ABCA13: variants seen among roughly 807,000 people sequenced by gnomAD.
The protein encoded by ABCA13 is ATP-binding cassette sub-family A member 13.
In ABCA13, 476 loss-of-function variants were observed where a neutral mutation model predicts 478.7. The ratio of observed to expected loss-of-function variants is 0.99; its 90% CI spans 0.92 to 1.07. ABCA13 has a LOEUF of 1.07. ABCA13 is among the 50% of genes least tolerant of loss of function. The probability of loss-of-function intolerance (pLI) is 0.00; values close to 1 mark genes in which losing one functional copy is unlikely to be tolerated. For missense variants in ABCA13, 6,060 were observed against 5,910.6 expected (o/e 1.03, Z -0.83); for synonymous variants, 2,252 against 2,158.9 (o/e 1.04, Z -1.20).
At chr7:48,259,914 T>C (rs1012185525) in intron 15 of ABCA13, among the ~76,000 whole-genome samples, 1 of 152,058 alleles carries the variant, frequency 6.6e-6, no homozygotes, top group Non-Finnish European at 1.5e-5. Flanking sequence ...TGTGAATACT[T>C]GCAATTGTAT....
In ABCA13 at chr7:48,352,628, G is replaced by C. The variant is rs1326092853; in HGVS notation, c.10688+141G>C. 5.1e-6 allele frequency: 5 copies of C among 976,382 alleles called. No individual in the cohort carries two copies. The East Asian group carries it at 1.3e-4, about 26-fold the overall frequency. 60.5% of individuals were successfully genotyped at this position (976,382 alleles called of 1,614,324 possible). ...CACCCCCCACTTTTTAATTTCGTAA[G>C]GTTCATTTTTTTTATATGCTTGTAC... is the stretch of plus-strand genomic sequence containing the variant. On this transcript the variant is annotated intron_variant, in intron 31 of 61. Coordinates refer to ENST00000435803, the MANE Select transcript of ABCA13 (RefSeq NM_152701.5).
intron 7 of ABCA13, among the ~76,000 whole-genome samples, chr7:48,231,605 G>A (rs1224347394): frequency 6.6e-6 from 1 of 152,118 alleles, no homozygotes; most frequent in African/African-American, 2.4e-5. Flanking sequence ...TCAGGATCCT[G>A]GGAGCAAGTC....
chr7:48,541,679 A>G (rs1833948187), intron 55 of ABCA13, among the ~76,000 whole-genome samples: 1 of 150,720 alleles, frequency 6.6e-6, no homozygotes, highest in African/African-American at 2.5e-5. Flanking sequence ...AATCAATGAG[A>G]CAGAACATAA....
chr7:48,575,288 T>C (rs1387139954), intron 55 of ABCA13, among the ~76,000 whole-genome samples: 4 of 152,170 alleles, frequency 2.6e-5, no homozygotes, highest in Non-Finnish European at 5.9e-5. Flanking sequence ...CATGGATATT[T>C]TTATTATTTA....
chr7:48,609,765 G>A (rs570089688), intron 58 of ABCA13, among the ~76,000 whole-genome samples: 54 of 152,180 alleles, frequency 3.5e-4, no homozygotes, highest in African/African-American at 1.1e-3. Flanking sequence ...CATCTTACGT[G>A]GCCAGAGAAG....
intron 8 of ABCA13, among the ~76,000 whole-genome samples, chr7:48,236,457 T>C (rs993139819): frequency 6.6e-6 from 1 of 152,206 alleles, no homozygotes; most frequent in African/African-American, 2.4e-5. Flanking sequence ...TGTCTTTAGC[T>C]CAAAATAATC....
intron 3 of ABCA13, among the ~76,000 whole-genome samples, chr7:48,210,228 A>G (rs1449164845): frequency 6.6e-6 from 1 of 152,142 alleles, no homozygotes; most frequent in East Asian, 1.9e-4. Context: ...AGCATAGAGC[A>G]AAGGGGGAAA....
At chr7:48,465,074 C>T (rs770632059) in intron 43 of ABCA13, among the ~76,000 whole-genome samples, 4 of 152,268 alleles carry the variant, frequency 2.6e-5, no homozygotes, top group South Asian at 2.1e-4. Context: ...GTCTGGGCTG[C>T]GCTGGCTAGG....
chr7:48,351,285 T>C (rs964906440), intron 30 of ABCA13, among the ~76,000 whole-genome samples: 2 of 152,236 alleles, frequency 1.3e-5, no homozygotes, highest in Non-Finnish European at 2.9e-5. Flanking sequence ...TCAAGATAAA[T>C]ATGGTGGTGC....
rs375511938 is a variant in ABCA13 at position 48,392,019 on chromosome 7, G to T, written c.11753G>T (p.Gly3918Val). 16 of 1,613,874 alleles carry T rather than the reference G, an allele frequency of 9.9e-6. No individual in the cohort carries two copies. The African/African-American group carries it at 2.0e-4, about 20-fold the overall frequency. The change falls in exon 38 of 62, where the codon GGT (glycine) becomes GTT (valine). Residue 3918 changes from glycine to valine, a missense_variant. Transcript: ENST00000435803. ...TDLSRVRMEL[G>V]VCPQQDILLD... is the part of the protein sequence containing the mutation. Reference sequence around the variant, plus strand: ...CTGTCGAGGGTCAGAATGGAGCTTGGTGTGTGTCCGCAGCAGGACATCCTG... The same window carrying T: ...CTGTCGAGGGTCAGAATGGAGCTTGTTGTGTGTCCGCAGCAGGACATCCTG...
At chr7:48,478,803 TG>T (rs921673816) in intron 45 of ABCA13, among the ~76,000 whole-genome samples, 5 of 152,062 alleles carry the variant, frequency 3.3e-5, no homozygotes, top group Admixed American at 2.6e-4. Flanking sequence ...GGAGAGATGG[TG>T]GGTAGGAGGG....
In ABCA13 at chr7:48,350,695, C is replaced by T; in HGVS notation, c.10257C>T (p.Phe3419=). The part of the protein sequence containing the change: ...FNHAGAGRFR[F]LGSILVNLSS... ...ATGCAGGCGCTGGACGCTTCCGTTTCTTGGGCAGCATCTTGGTCAATCTCT... is the reference window on the plus strand; with the variant it reads ...ATGCAGGCGCTGGACGCTTCCGTTTTTTGGGCAGCATCTTGGTCAATCTCT... The change falls in exon 30 of 62, where the codon TTC becomes TTT. Residue 3419 remains phenylalanine (F), a synonymous_variant. Coordinates refer to ENST00000435803, the MANE Select transcript of ABCA13 (RefSeq NM_152701.5). The T allele has an allele frequency of 6.2e-7, 1 of 1,613,928 alleles. No homozygotes were observed. The highest frequency in any genetic ancestry group is 8.5e-7 in the Non-Finnish European group (1 of 1,179,850).
intron 39 of ABCA13, among the ~76,000 whole-genome samples, chr7:48,405,845 T>C (rs908728189): frequency 7.2e-6 from 1 of 139,554 alleles, no homozygotes; most frequent in South Asian, 2.1e-4. Context: ...CTTCGTTGTT[T>C]AGCAATTTTT....
In ABCA13 at chr7:48,278,294, A is replaced by G. The variant is rs1796570824; in HGVS notation, c.7100A>G (p.Asn2367Ser). The G allele has an allele frequency of 1.2e-6, 2 of 1,612,550 alleles. No homozygotes were observed. Among genetic ancestry groups the G allele is most frequent in the South Asian group, 1.1e-5 (1 of 90,940 alleles). Residue 2367 changes from asparagine to serine, a missense_variant, in exon 18 of 62, where the codon AAT (asparagine) becomes AGT (serine). Asn to Ser is a conservative substitution (Grantham distance 46). Transcript: ENST00000435803. ...CTGAAGTTCATGCAAGATTTATTTA[A>G]TGCCCTTCTCAGGGAAACTTCAATG... Reference protein sequence around the residue: ...QGLKFMQDLFNALLRETSMKN... With the variant: ...QGLKFMQDLFSALLRETSMKN...
chr7:48,219,249 G>T, intron 3 of ABCA13, 105 bp from the exon 4 acceptor site: 1 of 1,236,626 alleles, frequency 8.1e-7, no homozygotes, highest in Non-Finnish European at 1.1e-6. Context: ...GTGTAAGTTG[G>T]TACAAGTTTA....
chr7:48,356,297 A>T (rs2128993945), intron 31 of ABCA13, among the ~76,000 whole-genome samples: 1 of 151,998 alleles, frequency 6.6e-6, no homozygotes, highest in South Asian at 2.1e-4. Flanking sequence ...CAGAATGGAG[A>T]CTTGGAGGGG....
intron 48 of ABCA13, 147 bp downstream of exon 48, chr7:48,489,491 A>G (rs1829653357): frequency 6.3e-6 from 4 of 637,088 alleles, no homozygotes; most frequent in Admixed American, 3.1e-5. Flanking sequence ...TAAACACAAT[A>G]CCAAGTTGTA....
chr7:48,261,067 G>C (rs1253725594), intron 15 of ABCA13, among the ~76,000 whole-genome samples: 1 of 151,620 alleles, frequency 6.6e-6, no homozygotes, highest in African/African-American at 2.4e-5. Flanking sequence ...AAATTAGTTT[G>C]CCTCATGTAC....
chr7:48,249,007 G>C (rs977198224), intron 14 of ABCA13, among the ~76,000 whole-genome samples: 1 of 151,382 alleles, frequency 6.6e-6, no homozygotes, highest in Non-Finnish European at 1.5e-5. Context: ...CTCATAAATT[G>C]CTTTTCCTTA....
Sources: allele counts gnomAD v4.1 joint callset (sites outside exome capture counted in the v4.1 genomes callset), GRCh38; gene constraint gnomAD v4.1.1; transcripts MANE v1.5; gene names NCBI Gene and HGNC (gene_info 2026-07-23, HGNC 2026-07-21).